The following DNAH5 variants were observed in gnomAD, a reference collection of about 807,000 sequenced individuals.
DNAH5 encodes the protein axonemal beta dynein heavy chain 5.
DNAH5 carries 372 observed loss-of-function variants against 518.2 expected under a neutral mutation model. That is an observed-to-expected ratio of 0.72 (90% CI 0.66 to 0.78). DNAH5 has a LOEUF of 0.78. Ranked by LOEUF, DNAH5 falls within the 30% of genes least tolerant of loss-of-function variation. The pLI, the probability that DNAH5 is intolerant of heterozygous loss-of-function variation, is 0.00. For missense variants in DNAH5, 5,523 were observed against 5,687.0 expected (o/e 0.97, Z 0.93); for synonymous variants, 2,039 against 2,025.9 (o/e 1.01, Z -0.17).
At chr5:13,928,215 T>C in intron 2 of DNAH5, 37 bp from the exon 3 acceptor site, 1 of 1,521,614 alleles carries the variant, frequency 6.6e-7, no homozygotes, top group Non-Finnish European at 9.1e-7. Flanking sequence ...TGATTTTCAA[T>C]CCAAATTAGA....
At chr5:13,896,536 G>A (rs778216265) in intron 15 of DNAH5, 1 of 152,024 alleles carries the variant, frequency 6.6e-6, no homozygotes, top group Non-Finnish European at 1.5e-5. Flanking sequence ...TATTACAATA[G>A]ACTATATTAA....
At position 13,919,312 on chromosome 5, in the gene DNAH5, T is replaced by G. The variant is rs376336039; in HGVS notation, c.839A>C (p.Asp280Ala). The G allele has an allele frequency of 6.2e-7, 1 of 1,614,172 alleles. No individual in the cohort carries two copies. Among genetic ancestry groups the G allele is most frequent in the Non-Finnish European group, 8.5e-7 (1 of 1,180,010 alleles). The change falls in exon 7 of 79, where the codon GAC becomes GCC. Residue 280 changes from aspartate (D) to alanine (A), a missense_variant. Transcript: ENST00000265104. ...ENNQLLKEAD[D>A]VGPRAELEHW... ...CTCCAGCTCCGCTCGTGGCCCAACG[T>G]CATCCGCTTCCTTCAGCAGCTGATT...
At chr5:13,914,102 C>T in intron 10 of DNAH5, 144 bp from the exon 11 acceptor site, 1 of 1,019,314 alleles carries the variant, frequency 9.8e-7, no homozygotes, top group Non-Finnish European at 1.4e-6. Flanking sequence ...ACTCATCAGC[C>T]TGGAAAATCA....
intron 17 of DNAH5, among the ~76,000 whole-genome samples, chr5:13,889,756 A>T (rs763546030): frequency 1.3e-5 from 2 of 152,146 alleles, no homozygotes; most frequent in African/African-American, 4.8e-5. Flanking sequence ...GCTCCGGGCA[A>T]GCCTCACAGG....
At chr5:13,722,738 A>G (rs1416099396) in intron 70 of DNAH5, among the ~76,000 whole-genome samples, 2 of 152,260 alleles carry the variant, frequency 1.3e-5, no homozygotes, top group Non-Finnish European at 2.9e-5. Flanking sequence ...ATTCAGAAAC[A>G]GCTGGACCAT....
intron 28 of DNAH5, among the ~76,000 whole-genome samples, 171 bp from the exon 29 acceptor site, chr5:13,862,918 G>A (rs931541404): frequency 1.3e-4 from 20 of 150,828 alleles, no homozygotes; most frequent in Admixed American, 5.9e-4. Context: ...AGGTGTATAC[G>A]CAGATACTGA....
At position 13,923,849 on chromosome 5, in the gene DNAH5, GC is replaced by G. The variant is rs572514331; in HGVS notation, c.278-410del. ...ACCTGAGGTCAGGAGTTCGAGACCA[GC>G]CTGGTCAACGTGATGAAACCCTGTC... On this transcript the variant is annotated intron_variant, in intron 3 of 78. Transcript: ENST00000265104. Among the ~76,000 whole-genome samples the G allele has an allele frequency of 7.5e-4, 114 of 152,228 alleles. 1 individual carries two copies. The highest frequency in any genetic ancestry group is 2.7e-3 in the African/African-American group (111 of 41,550).
In DNAH5 at chr5:13,820,551, A is replaced by G. The variant is rs773312095; in HGVS notation, c.6688-52T>C. The G allele has an allele frequency of 6.2e-6, 10 of 1,600,696 alleles. No individual in the cohort carries two copies. The African/African-American group carries it at 1.3e-4, about 21-fold the overall frequency. On this transcript the variant is annotated intron_variant, in intron 40 of 78. Coordinates refer to ENST00000265104, the MANE Select transcript of DNAH5 (RefSeq NM_001369.3). Reference sequence around the variant, plus strand: ...TGAAACACAACAATGATGGCCGGACACGGTGGCTCACGCCTGTAATCCCAA... The same window carrying G: ...TGAAACACAACAATGATGGCCGGACGCGGTGGCTCACGCCTGTAATCCCAA...
upstream of DNAH5, among the ~76,000 whole-genome samples, chr5:13,948,234 A>T (rs1780085750): frequency 6.6e-6 from 1 of 152,256 alleles, no homozygotes; most frequent in Admixed American, 6.5e-5. Context: ...CAGAAGAGTC[A>T]GACCCTACAT....
intron 1 of DNAH5, among the ~76,000 whole-genome samples, chr5:13,976,726 C>A (rs199520566): frequency 8.6e-6 from 1 of 116,382 alleles, no homozygotes; most frequent in Non-Finnish European, 1.9e-5. Context: ...CACACACATA[C>A]ACACACACAC....
intron 1 of DNAH5, among the ~76,000 whole-genome samples, chr5:13,973,077 T>C (rs1327432387): frequency 6.6e-6 from 1 of 152,126 alleles, no homozygotes; most frequent in Non-Finnish European, 1.5e-5. Context: ...TGAGCCTGGA[T>C]TATCCAGGTG....
chr5:13,940,697 T>C (rs1413605415), intron 1 of DNAH5, among the ~76,000 whole-genome samples: 2 of 152,212 alleles, frequency 1.3e-5, no homozygotes, highest in Admixed American at 6.5e-5. Context: ...TTTTACAAAT[T>C]GATCCTGATG....
intron 55 of DNAH5, 27 bp downstream of exon 55, chr5:13,776,412 C>T: frequency 6.2e-7 from 1 of 1,613,468 alleles, no homozygotes; most frequent in Non-Finnish European, 8.5e-7. Flanking sequence ...ACATGTTATG[C>T]CCTGGCATAA....
At chr5:13,949,710 T>C (rs952712990) in intron 1 of DNAH5, among the ~76,000 whole-genome samples, 1 of 152,232 alleles carries the variant, frequency 6.6e-6, no homozygotes, top group African/African-American at 2.4e-5. Context: ...TCTTGCATAG[T>C]GCCTTTCATG....
At chr5:13,822,592 G>A (rs1419100193) in intron 40 of DNAH5, among the ~76,000 whole-genome samples, 2 of 152,142 alleles carry the variant, frequency 1.3e-5, no homozygotes, top group Non-Finnish European at 2.9e-5. Context: ...GAATTGAAGT[G>A]CAATTTATAA....
chr5:13,713,332 C>CAT (rs556213733), intron 75 of DNAH5, among the ~76,000 whole-genome samples: 4 of 142,020 alleles, frequency 2.8e-5, no homozygotes, highest in East Asian at 2.0e-4. Flanking sequence ...TATATACCGA[C>CAT]ATATATATAT....
intron 22 of DNAH5, among the ~76,000 whole-genome samples, chr5:13,874,816 C>A (rs1449688340): frequency 1.3e-5 from 2 of 152,188 alleles, no homozygotes; most frequent in Non-Finnish European, 2.9e-5. Flanking sequence ...TACATCCAGC[C>A]TCAGCTCATC....
chr5:13,761,533 C>T (rs1344561754), intron 60 of DNAH5, among the ~76,000 whole-genome samples: 1 of 147,754 alleles, frequency 6.8e-6, no homozygotes, highest in Non-Finnish European at 1.5e-5. Flanking sequence ...GCAGAGCTTC[C>T]GGTGAGCTGA....
At chr5:13,929,974 T>C (rs1028225616) in intron 2 of DNAH5, among the ~76,000 whole-genome samples, 2 of 152,168 alleles carry the variant, frequency 1.3e-5, no homozygotes, top group African/African-American at 4.8e-5. Context: ...CCTGGTATTA[T>C]GAAGATGGAA....
Sources: allele counts gnomAD v4.1 joint callset (sites outside exome capture counted in the v4.1 genomes callset), GRCh38; gene constraint gnomAD v4.1.1; transcripts MANE v1.5; gene names NCBI Gene and HGNC (gene_info 2026-07-23, HGNC 2026-07-21).